The following AHRR variants were observed in gnomAD, a reference collection of about 807,000 sequenced individuals.
AHRR encodes the protein ahR repressor.
A neutral mutation model predicts 44.0 loss-of-function variants in AHRR; 28 were observed. The observed-to-expected ratio is 0.64, with a 90% CI of 0.47 to 0.87. AHRR has a LOEUF of 0.87. Among genes scored for constraint, AHRR ranks in the 40% least tolerant of loss-of-function variants. The pLI, the probability that AHRR is intolerant of heterozygous loss-of-function variation, is 0.00. For missense variants in AHRR, 990 were observed against 953.9 expected, an observed-to-expected ratio of 1.04 and a Z score of -0.50; for synonymous variants, 434 against 407.0, an observed-to-expected ratio of 1.07 and a Z score of -0.80.
rs749001886 is a variant in AHRR, at chr5:367,816, T to A, written c.245-8794T>A. On this transcript the variant is annotated intron_variant, in intron 3 of 10. Coordinates refer to ENST00000684583, the MANE Select transcript of AHRR (RefSeq NM_001377236.1). ...CTCTGTTGTATGCCCAGGACAGGGG[T>A]TGGCAGTGGCAGATGCCGAAGATGT... is the stretch of plus-strand genomic sequence containing the variant. 1.3e-5 allele frequency: 9 copies of A among 702,358 alleles called. No individual in the cohort carries two copies. The South Asian group carries it at 1.3e-4, about 10-fold the overall frequency. 43.5% of individuals were successfully genotyped at this position (702,358 alleles called of 1,614,324 possible).
chr5:434,221 A>G lies in AHRR; in HGVS notation c.1481A>G (p.Gln494Arg), dbSNP rs754711027. 4 of 1,588,502 alleles carry G rather than the reference A, an allele frequency of 2.5e-6. No homozygotes were observed. Among genetic ancestry groups the G allele is most frequent in the African/African-American group, 1.3e-5 (1 of 74,366 alleles). ...PQRSLQHQLPQPGAQRFATRG... is the reference protein window; with the variant it reads ...PQRSLQHQLPRPGAQRFATRG... ...AGGAGCCTGCAGCACCAGCTCCCTC[A>G]GCCTGGAGCTCAGCGTTTTGCCACG... is the stretch of plus-strand genomic sequence containing the variant. The change falls in exon 11 of 11, where the codon CAG becomes CGG. Residue 494 changes from glutamine to arginine, a missense_variant. Physicochemically the swap from Gln to Arg is conservative, Grantham distance 43. Coordinates refer to ENST00000684583, the MANE Select transcript of AHRR (RefSeq NM_001377236.1).
At chr5:376,555 A>ACGCGGGGAAACACAGGAAAGAT in intron 3 of AHRR, 55 bp from the exon 4 acceptor site, 1 of 1,428,920 alleles carries the variant, frequency 7.0e-7, no homozygotes, top group East Asian at 2.4e-5. Flanking sequence ...TGAATGAAGA[A>ACGCGGGGAAACACAGGAAAGAT]GAGTGGCCAG....
Position 427,903 on chromosome 5 carries a change from A to T in AHRR, c.805A>T (p.Ile269Phe), listed in dbSNP as rs373769011. 18 of 1,614,004 alleles carry T rather than the reference A, an allele frequency of 1.1e-5. No homozygotes were observed. The highest frequency in any genetic ancestry group is 1.5e-5 in the Non-Finnish European group (18 of 1,180,056). Residue 269 changes from isoleucine (I) to phenylalanine (F), a missense_variant, in exon 8 of 11, where the codon ATT becomes TTT. By Grantham distance (21) the Ile-to-Phe change is conservative. Coordinates refer to ENST00000684583, the MANE Select transcript of AHRR (RefSeq NM_001377236.1). ...MLPPRLSLFC[I>F]AAPVLLPSAA... ...CCCGCCGCGGCTGTCGCTGTTCTGCATTGCGGCACCCGTTCTCCTCCCCTC... is the reference window on the plus strand; with the variant it reads ...CCCGCCGCGGCTGTCGCTGTTCTGCTTTGCGGCACCCGTTCTCCTCCCCTC...
chr5:380,465 T>A (rs560838412), intron 4 of AHRR, among the ~76,000 whole-genome samples: 1 of 152,316 alleles, frequency 6.6e-6, no homozygotes, highest in South Asian at 2.1e-4. Flanking sequence ...TCCATGAACA[T>A]GGTATGTGTC....
At chr5:403,082 C>T (rs1253906435) in intron 4 of AHRR, among the ~76,000 whole-genome samples, 1 of 152,156 alleles carries the variant, frequency 6.6e-6, no homozygotes, top group African/African-American at 2.4e-5. Context: ...CGCACTGTGG[C>T]TCGGATCCAC....
intron 2 of AHRR, among the ~76,000 whole-genome samples, chr5:344,973 T>G (rs1742560972): frequency 1.5e-5 from 1 of 66,322 alleles, no homozygotes; most frequent in African/African-American, 6.1e-5. Context: ...TTGGGGGCTG[T>G]GTGGGGTGTG....
chr5:369,657 C>T (rs1213161635), intron 3 of AHRR, among the ~76,000 whole-genome samples: 1 of 152,212 alleles, frequency 6.6e-6, no homozygotes, highest in Non-Finnish European at 1.5e-5. Flanking sequence ...AGTGTCTGTC[C>T]CGAGTGCTTC....
chr5:365,371 G>C (rs1263810796), intron 3 of AHRR, among the ~76,000 whole-genome samples: 1 of 151,948 alleles, frequency 6.6e-6, no homozygotes, highest in Non-Finnish European at 1.5e-5. Flanking sequence ...CCGTATAGTT[G>C]GAAATAAATA....
chr5:403,686 T>A, intron 4 of AHRR: 5 of 777,052 alleles, frequency 6.4e-6, no homozygotes, highest in Non-Finnish European at 1.0e-5. Flanking sequence ...AATGGTATTT[T>A]TTTTTTTTTA....
intron 4 of AHRR, among the ~76,000 whole-genome samples, chr5:398,778 G>T (rs985318812): frequency 1.3e-5 from 2 of 152,204 alleles, no homozygotes; most frequent in South Asian, 2.1e-4. Context: ...GCCTTCTGCC[G>T]CCAGGCCTGG....
chr5:396,771 C>A (rs1734722110), intron 4 of AHRR, among the ~76,000 whole-genome samples: 1 of 152,096 alleles, frequency 6.6e-6, no homozygotes, highest in African/African-American at 2.4e-5. Flanking sequence ...GGTAGTCCAG[C>A]TCCCCCTGCA....
chr5:412,849 T>G (rs1735525918), intron 4 of AHRR, among the ~76,000 whole-genome samples: 1 of 151,822 alleles, frequency 6.6e-6, no homozygotes, highest in Non-Finnish European at 1.5e-5. Context: ...GCCTTCCAAG[T>G]AGCTGGGACT....
At chr5:426,145 A>T (rs1337980964) in intron 7 of AHRR, among the ~76,000 whole-genome samples, 1 of 152,244 alleles carries the variant, frequency 6.6e-6, no homozygotes, top group African/African-American at 2.4e-5. Context: ...ATCCCCACCA[A>T]TTATGTGACT....
intron 7 of AHRR, among the ~76,000 whole-genome samples, chr5:426,065 C>T (rs1399069221): frequency 6.6e-6 from 1 of 152,262 alleles, no homozygotes; most frequent in East Asian, 1.9e-4. Context: ...TTGGCAAACA[C>T]TGCATATCTG....
intron 3 of AHRR, among the ~76,000 whole-genome samples, chr5:373,495 G>T (rs974301773): frequency 1.3e-5 from 2 of 152,222 alleles, no homozygotes; most frequent in African/African-American, 4.8e-5. Context: ...TAAGGGCCAC[G>T]GTGATGGCCC....
In AHRR at chr5:412,000, A is replaced by G. The variant is rs1022621182; in HGVS notation, c.352-1344A>G. Among the ~76,000 whole-genome samples the G allele has an allele frequency of 6.6e-6, 1 of 152,176 alleles. No individual in the cohort carries two copies. The highest frequency in any genetic ancestry group is 2.4e-5 in the African/African-American group (1 of 41,436). On this transcript the variant is annotated intron_variant, in intron 4 of 10. Transcript: ENST00000684583. This position sits in a 1 kb window ranked among gnomAD's most constrained non-coding sequence, Gnocchi z 4.2. ...ACTCAGAGGCCACCGTCTTTCGCGC[A>G]TCCTCACCGGTGATGGCCCCGGGAA... is the stretch of plus-strand genomic sequence containing the variant.
At chr5:427,035 A>ATGGATGGATGGGTGGG (rs1214443229) in intron 7 of AHRR, among the ~76,000 whole-genome samples, 24 of 145,462 alleles carry the variant, frequency 1.6e-4, no homozygotes, top group African/African-American at 6.1e-4. Flanking sequence ...TGGGAAGATG[A>ATGGATGGATGGGTGGG]TGGATGGATG....
At chr5:403,215 G>A (rs1188261215) in intron 4 of AHRR, among the ~76,000 whole-genome samples, 1 of 152,144 alleles carries the variant, frequency 6.6e-6, no homozygotes, top group Non-Finnish European at 1.5e-5. Context: ...GGAGGGGAGT[G>A]GGGGTGAGTG....
chr5:376,348 G>A (rs956843333), intron 3 of AHRR, among the ~76,000 whole-genome samples: 1 of 152,180 alleles, frequency 6.6e-6, no homozygotes, highest in Non-Finnish European at 1.5e-5. Context: ...GGCGTCCTCA[G>A]GCCAGGCTCT....
Sources: allele counts gnomAD v4.1 joint callset (sites outside exome capture counted in the v4.1 genomes callset), GRCh38; gene constraint gnomAD v4.1.1; non-coding constraint Gnocchi (gnomAD v3.1); transcripts MANE v1.5; gene names NCBI Gene and HGNC (gene_info 2026-07-23, HGNC 2026-07-21).